ATG7: variants seen among roughly 807,000 people sequenced by gnomAD.
The protein encoded by ATG7 is autophagy related 7.
Under a neutral mutation model 82.4 loss-of-function variants are expected in ATG7, and 70 were observed. That is an observed-to-expected ratio of 0.85 (90% CI 0.70 to 1.04). The LOEUF (loss-of-function observed/expected upper bound fraction) is 1.04, where lower values mean the gene tolerates loss of function less well. Among genes scored for constraint, ATG7 ranks in the 50% least tolerant of loss-of-function variants. ATG7 has a pLI of 0.00. For missense variants in ATG7, 792 were observed against 864.3 expected, an observed-to-expected ratio of 0.92 and a Z score of 1.05; for synonymous variants, 287 against 313.0, an observed-to-expected ratio of 0.92 and a Z score of 0.88.
intron 1 of ATG7, among the ~76,000 whole-genome samples, chr3:11,279,023 C>T (rs388407): frequency 0.87 from 132,231 of 152,180 alleles, 57,736 homozygotes; most frequent in East Asian, 1. Context: ...GTTTCTGCAG[C>T]TGATGATGTG....
intron 20 of ATG7, among the ~76,000 whole-genome samples, chr3:11,480,848 G>T (rs1341100013): frequency 6.6e-6 from 1 of 152,184 alleles, no homozygotes; most frequent in Non-Finnish European, 1.5e-5. Context: ...TCCAGTCCTG[G>T]CCGGCTGGGC....
intron 19 of ATG7, among the ~76,000 whole-genome samples, chr3:11,406,478 A>T (rs2080352036): frequency 6.6e-6 from 1 of 152,102 alleles, no homozygotes; most frequent in Non-Finnish European, 1.5e-5. Flanking sequence ...GTTAACTTAA[A>T]AAAAAAATTT....
intron 20 of ATG7, among the ~76,000 whole-genome samples, chr3:11,526,502 A>G: frequency 6.6e-6 from 1 of 152,252 alleles, no homozygotes; most frequent in East Asian, 1.9e-4. Flanking sequence ...AAGCAATAGG[A>G]TTATTAGCAA....
At chr3:11,277,072 T>G (rs1001926946) in intron 1 of ATG7, 1 of 152,216 alleles carries the variant, frequency 6.6e-6, no homozygotes, top group Non-Finnish European at 1.5e-5. Flanking sequence ...CAAGTCCAGG[T>G]AGTCATCAGA....
chr3:11,509,712 T>A (rs1430099299), intron 20 of ATG7, among the ~76,000 whole-genome samples: 1 of 152,184 alleles, frequency 6.6e-6, no homozygotes, highest in African/African-American at 2.4e-5. Context: ...ATTCTGTTAA[T>A]TGAATTCATT....
At chr3:11,297,489 T>G (rs2152688044) in intron 3 of ATG7, among the ~76,000 whole-genome samples, 1 of 152,252 alleles carries the variant, frequency 6.6e-6, no homozygotes, top group African/African-American at 2.4e-5. Context: ...CCAGATTTCT[T>G]TAGTATTGTC....
At chr3:11,458,453 C>T (rs1438926191) in intron 20 of ATG7, among the ~76,000 whole-genome samples, 3 of 152,096 alleles carry the variant, frequency 2.0e-5, no homozygotes, top group Non-Finnish European at 4.4e-5. Flanking sequence ...TTAGTAGAGA[C>T]TGGGTTTCAC....
intron 19 of ATG7, among the ~76,000 whole-genome samples, chr3:11,401,004 C>G (rs2079785535): frequency 6.6e-6 from 1 of 152,178 alleles, no homozygotes; most frequent in African/African-American, 2.4e-5. Context: ...TAAAAATGTG[C>G]TGCTTAATGG....
chr3:11,518,264 AGG>A (rs1377441542), intron 20 of ATG7, among the ~76,000 whole-genome samples: 1 of 14,384 alleles, frequency 7.0e-5, no homozygotes, highest in South Asian at 7.9e-3. Context: ...ACCTGAGCCG[AGG>A]CTGGGCACAG....
chr3:11,561,496 T>C (rs967815664), downstream of ATG7, among the ~76,000 whole-genome samples: 2 of 152,146 alleles, frequency 1.3e-5, no homozygotes, highest in Non-Finnish European at 2.9e-5. Context: ...CAACCCAGGC[T>C]GCAGGGTGGC....
At position 11,422,740 on chromosome 3, in the gene ATG7, CTTTTTTTTTTTTTT is replaced by C. The variant is rs557755646; in HGVS notation, c.1957-4048_1957-4035del. On this transcript the variant is annotated intron_variant, in intron 19 of 20. Transcript: ENST00000693202. ...CCTCACTATGCTTAATCATTTCTAG[CTTTTTTTTTTTTTT>C]TTTTTTTTTTTTTTTGGAGACAGAG... is the stretch of plus-strand genomic sequence containing the variant. Among the ~76,000 whole-genome samples, 31 of 49,558 alleles carry C rather than the reference CTTTTTTTTTTTTTT, an allele frequency of 6.3e-4. 1 individual carries two copies. The highest frequency in any genetic ancestry group is 3.4e-3 in the South Asian group (3 of 878). 32.5% of individuals were successfully genotyped at this position (49,558 alleles called of 152,430 possible). A position where few individuals can be genotyped will look rare whatever the true frequency, so the allele number is the denominator to read the frequency against.
At chr3:11,302,133 G>T (rs1328501379) in intron 5 of ATG7, among the ~76,000 whole-genome samples, 1 of 152,208 alleles carries the variant, frequency 6.6e-6, no homozygotes, top group African/African-American at 2.4e-5. Flanking sequence ...ATAAGATGTG[G>T]TCCCCATTGT....
At chr3:11,500,741 C>T (rs2091261796) in intron 20 of ATG7, among the ~76,000 whole-genome samples, 1 of 152,206 alleles carries the variant, frequency 6.6e-6, no homozygotes. Context: ...AGCAATTCTC[C>T]TGCCTCAGCC....
At chr3:11,490,702 A>G (rs1162216531) in intron 20 of ATG7, among the ~76,000 whole-genome samples, 2 of 152,008 alleles carry the variant, frequency 1.3e-5, no homozygotes, top group Non-Finnish European at 1.5e-5. Context: ...GCTTGTCTGT[A>G]AAGTATTTTA....
At chr3:11,286,615 G>C in intron 3 of ATG7, among the ~76,000 whole-genome samples, 1 of 116,364 alleles carries the variant, frequency 8.6e-6, no homozygotes, top group Non-Finnish European at 1.7e-5. Flanking sequence ...TTTTGAGACA[G>C]GGTCTGGCTC....
At chr3:11,479,714 A>G (rs2088697508) in intron 20 of ATG7, among the ~76,000 whole-genome samples, 1 of 152,250 alleles carries the variant, frequency 6.6e-6, no homozygotes, top group African/African-American at 2.4e-5. Flanking sequence ...GAGCTTTAGC[A>G]AAAGAAAAGG....
chr3:11,319,425 G>A (rs1949906919), intron 9 of ATG7, among the ~76,000 whole-genome samples: 1 of 152,128 alleles, frequency 6.6e-6, no homozygotes, highest in African/African-American at 2.4e-5. Context: ...AAAAGTCACT[G>A]CTGCTCTTTG....
chr3:11,382,008 T>C (rs561006927), intron 19 of ATG7, among the ~76,000 whole-genome samples: 2 of 152,258 alleles, frequency 1.3e-5, no homozygotes, highest in Non-Finnish European at 2.9e-5. Context: ...ATACATGTTA[T>C]ACAGAGTCAT....
chr3:11,379,833 C>T lies in ATG7; in HGVS notation c.1876-139C>T, dbSNP rs146380057. ...ACGTTACAAGGGAAAATACTCATTT[C>T]GAACTTATTTTTGCTCATAATCTCT... is the stretch of plus-strand genomic sequence containing the variant. On this transcript the variant is annotated intron_variant, in intron 18 of 20. Transcript: ENST00000693202. 88 of 771,654 alleles carry T rather than the reference C, an allele frequency of 1.1e-4. 1 individual carries two copies. Among genetic ancestry groups the T allele is most frequent in the East Asian group, 8.4e-4 (32 of 38,134 alleles). 47.8% of individuals were successfully genotyped at this position (771,654 alleles called of 1,614,324 possible). A position where few individuals can be genotyped will look rare whatever the true frequency, so the allele number is the denominator to read the frequency against.
Sources: gnomAD v4.1 joint callset for allele counts (sites outside exome capture counted in the v4.1 genomes callset) on GRCh38, gnomAD v4.1.1 for gene constraint, MANE v1.5 for transcripts, NCBI Gene and HGNC (gene_info 2026-07-23, HGNC 2026-07-21) for gene names.